The following PROM2 variants were observed in gnomAD, a reference collection of about 807,000 sequenced individuals.
The protein encoded by PROM2 is prominin 2, also known as prominin-2.
A neutral mutation model predicts 110.2 loss-of-function variants in PROM2; 90 were observed. That is an observed-to-expected ratio of 0.82 (90% CI 0.69 to 0.97). The LOEUF (loss-of-function observed/expected upper bound fraction) is 0.97. Ranked by LOEUF, PROM2 falls within the 50% of genes least tolerant of loss-of-function variation. The pLI is 0.00. For missense variants in PROM2, 1,009 were observed against 1,074.8 expected, an observed-to-expected ratio of 0.94 and a Z score of 0.86; for synonymous variants, 470 against 467.8, an observed-to-expected ratio of 1.00 and a Z score of -0.06.
intron 8 of PROM2, 154 bp from the exon 9 acceptor site, chr2:95,278,567 C>A: frequency 2.4e-6 from 2 of 821,290 alleles, no homozygotes; most frequent in Non-Finnish European, 2.1e-6. Context: ...TCAGACTGGG[C>A]CAGGGGATGG....
chr2:95,287,180 G>T lies in PROM2; in HGVS notation c.2142G>T (p.Glu714Asp), dbSNP rs149347187. 1.2e-6 allele frequency: 2 copies of T among 1,613,888 alleles called. No homozygotes were observed. Among genetic ancestry groups the T allele is most frequent in the African/African-American group, 2.7e-5 (2 of 74,912 alleles). Residue 714 changes from glutamate (E) to aspartate (D), a missense_variant, in exon 19 of 24, where the codon GAG (glutamate) becomes GAT (aspartate). By Grantham distance (45) the Glu-to-Asp change is conservative (BLOSUM62 2). Coordinates refer to ENST00000317620, the MANE Select transcript of PROM2 (RefSeq NM_001165978.3). ...VLANVTYLKGELPAWAARILR... is the reference protein window; with the variant it reads ...VLANVTYLKGDLPAWAARILR... Reference sequence around the variant, plus strand: ...CCAATGTCACCTACCTGAAAGGAGAGCTGCCTGCCTGGGCAGCCAGGATCC... The same window carrying T: ...CCAATGTCACCTACCTGAAAGGAGATCTGCCTGCCTGGGCAGCCAGGATCC...
rs1205698211 is a variant in PROM2, at chr2:95,279,024, G to A, written c.1154G>A (p.Arg385Lys). 2 of 1,612,322 alleles carry A rather than the reference G, an allele frequency of 1.2e-6. No homozygotes were observed. The highest frequency in any genetic ancestry group is 1.7e-6 in the Non-Finnish European group (2 of 1,179,242). ...KAVAQQPEGV[R>K]TLAEGFPGLE... ...GTGGCCCAGCAGCCGGAAGGGGTGA[G>A]GACACTGGCTGAAGGGTTCCCGGGC... is the stretch of plus-strand genomic sequence containing the variant. Residue 385 changes from arginine to lysine, a missense_variant, in exon 10 of 24, where the codon AGG becomes AAG. Coordinates refer to ENST00000317620, the MANE Select transcript of PROM2 (RefSeq NM_001165978.3).
intron 16 of PROM2, 25 bp from the exon 17 acceptor site, chr2:95,286,454 C>T (rs765806543): frequency 9.3e-6 from 15 of 1,605,222 alleles, no homozygotes; most frequent in Admixed American, 1.7e-5. Flanking sequence ...TGGGCGGGGC[C>T]GTTCTGATTT....
At chr2:95,288,668 C>A in intron 22 of PROM2, 79 bp downstream of exon 22, 2 of 1,274,428 alleles carry the variant, frequency 1.6e-6, no homozygotes, top group South Asian at 2.6e-5. Flanking sequence ...CCTGTCACAG[C>A]CCCTCCTGAG....
At chr2:95,287,871 G>C (rs905195837) in intron 20 of PROM2, among the ~76,000 whole-genome samples, 5 of 152,226 alleles carry the variant, frequency 3.3e-5, no homozygotes, top group Non-Finnish European at 7.3e-5. Context: ...TTTACCCTGA[G>C]TGTGTCTGTG....
rs763434626 is a variant in PROM2 at position 95,285,651 on chromosome 2, G to T, written c.1888G>T (p.Val630Leu). The T allele has an allele frequency of 6.2e-7, 1 of 1,601,372 alleles. No individual in the cohort carries two copies. Among genetic ancestry groups the T allele is most frequent in the Non-Finnish European group, 8.5e-7 (1 of 1,173,538 alleles). Residue 630 changes from valine to leucine, a missense_variant, in exon 16 of 24, where the codon GTG becomes TTG. Transcript: ENST00000317620. Reference sequence around the variant, plus strand: ...TGTCCACCTGCAGATCCAGAGGCCCGTGGTGAAGACCAGCATGGAGCAGCT... The same window carrying T: ...TGTCCACCTGCAGATCCAGAGGCCCTTGGTGAAGACCAGCATGGAGCAGCT... ...PDFLVQIQRPVVKTSMEQLAQ... is the reference protein window; with the variant it reads ...PDFLVQIQRPLVKTSMEQLAQ...
At position 95,282,230 on chromosome 2, in the gene PROM2, A is replaced by T. The variant is rs1677092261; in HGVS notation, c.1728+4A>T. On this transcript the variant is annotated splice_donor_region_variant and intron_variant, in intron 14 of 23. Transcript: ENST00000317620. ...GGAGCACCTGGATATCAACCAGGTG[A>T]GAGAACGTTTTGGAAACTGTGAGGA... The T allele has an allele frequency of 6.2e-7, 1 of 1,610,888 alleles. No homozygotes were observed. Among genetic ancestry groups the T allele is most frequent in the Non-Finnish European group, 8.5e-7 (1 of 1,178,058 alleles).
chr2:95,285,048 GC>G lies in PROM2; in HGVS notation c.1810del (p.Arg604GlyfsTer28). 6.3e-7 allele frequency: 1 copy of G among 1,598,092 alleles called. No homozygotes were observed. Among genetic ancestry groups the G allele is most frequent in the South Asian group, 1.1e-5 (1 of 88,480 alleles). Reference sequence around the variant, plus strand: ...CTGGACCTGCTGAGCTCAGCCGCCCGCCGGGACCTGGAGGCCCTGCAGAGCA... The same window carrying G: ...CTGGACCTGCTGAGCTCAGCCGCCCGCGGGACCTGGAGGCCCTGCAGAGCA... Reference protein sequence around the residue: ...QSLDLLSSAARRDLEALQSSG... With the variant: ...QSLDLLSSAAXRDLEALQSSG... On this transcript the variant is annotated frameshift_variant, in exon 15 of 24. Transcript: ENST00000317620. LOFTEE classifies it high-confidence loss of function.
intron 19 of PROM2, 28 bp from the exon 20 acceptor site, chr2:95,287,368 C>T (rs1294509877): frequency 6.2e-6 from 10 of 1,613,248 alleles, no homozygotes; most frequent in African/African-American, 5.3e-5. Context: ...GGGACCCCTA[C>T]AGCTCAGACC....
Position 95,287,401 on chromosome 2 carries a change from T to C in PROM2, c.2181T>C (p.Ser727=), listed in dbSNP as rs746847397. Reference sequence around the variant, plus strand: ...ACCTCCTTTCCTTCCTGCAGGTGAGTGAGTGTTTCCTGGCCCGGGAGATGG... The same window carrying C: ...ACCTCCTTTCCTTCCTGCAGGTGAGCGAGTGTTTCCTGGCCCGGGAGATGG... ...AWAARILRNV[S]ECFLAREMGY... The change falls in exon 20 of 24, where the codon AGT becomes AGC. Residue 727 remains serine, a synonymous_variant. Transcript: ENST00000317620. 2 of 1,613,916 alleles carry C rather than the reference T, an allele frequency of 1.2e-6. No homozygotes were observed. Among genetic ancestry groups the C allele is most frequent in the South Asian group, 2.2e-5 (2 of 91,070 alleles).
At chr2:95,286,716 C>G in intron 17 of PROM2, 88 bp from the exon 18 acceptor site, 1 of 798,426 alleles carries the variant, frequency 1.3e-6, no homozygotes, top group Non-Finnish European at 2.1e-6. Flanking sequence ...CTCCCCTCCC[C>G]TCCCCTCCAC....
At chr2:95,279,752 T>G in intron 10 of PROM2, 93 bp from the exon 11 acceptor site, 1 of 1,090,582 alleles carries the variant, frequency 9.2e-7, no homozygotes, top group Non-Finnish European at 1.2e-6. Context: ...GCCTTGGGGT[T>G]AGAGGCCACA....
Position 95,290,028 on chromosome 2 carries a change from G to A in PROM2, c.*815G>A, listed in dbSNP as rs1558751554. On this transcript the variant is annotated 3_prime_UTR_variant, in exon 24 of 24. Coordinates refer to ENST00000317620, the MANE Select transcript of PROM2 (RefSeq NM_001165978.3). ...GTACCAGCACTTAGCTTCTCTCTGA[G>A]TGCTGGCTCCCAAGGAAGGGACCTG... The A allele has an allele frequency of 6.6e-6, 1 of 152,312 alleles. No homozygotes were observed. Among genetic ancestry groups the A allele is most frequent in the Non-Finnish European group, 1.5e-5 (1 of 68,114 alleles). The allele number at this position is 152,312 out of a possible 1,614,324, so 9.4% of individuals were successfully genotyped here.
rs971057351 is a variant in PROM2, at chr2:95,288,807, G to A, written c.2442-126G>A. The A allele has an allele frequency of 3.3e-5, 34 of 1,019,384 alleles. 1 individual carries two copies. Among genetic ancestry groups the A allele is most frequent in the African/African-American group, 7.9e-5 (5 of 63,168 alleles). 63.1% of individuals were successfully genotyped at this position (1,019,384 alleles called of 1,614,324 possible). The stretch of plus-strand genomic sequence containing the variant: ...GCTGCATCCATTTGGGCGCAGCTTC[G>A]TGGGACCCTTCCCATCCCCCACAGG... On this transcript the variant is annotated intron_variant, in intron 22 of 23. Transcript: ENST00000317620.
chr2:95,281,413 G>A (rs1287815375), intron 12 of PROM2, 48 bp downstream of exon 12: 3 of 1,584,714 alleles, frequency 1.9e-6, no homozygotes, highest in Admixed American at 3.4e-5. Flanking sequence ...GAGGTGGGGG[G>A]CGGTATCAGC....
intron 20 of PROM2, among the ~76,000 whole-genome samples, chr2:95,287,956 A>G (rs1441916984): frequency 1.3e-5 from 2 of 152,210 alleles, no homozygotes; most frequent in East Asian, 3.9e-4. Context: ...CTTGACACAC[A>G]GTGCTGGGTC....
intron 14 of PROM2, among the ~76,000 whole-genome samples, chr2:95,284,303 T>C (rs1340207311): frequency 6.6e-6 from 1 of 152,182 alleles, no homozygotes; most frequent in African/African-American, 2.4e-5. Flanking sequence ...AAGAACAGCC[T>C]GGGCAACATG....
rs368594010 is a variant in PROM2 at position 95,277,377 on chromosome 2, C to T, written c.786C>T (p.Ser262=). 27 of 1,611,780 alleles carry T rather than the reference C, an allele frequency of 1.7e-5. No homozygotes were observed. Among genetic ancestry groups the T allele is most frequent in the African/African-American group, 5.3e-5 (4 of 75,012 alleles). Residue 262 remains serine, a synonymous_variant, in exon 7 of 24, where the codon TCC becomes TCT. Coordinates refer to ENST00000317620, the MANE Select transcript of PROM2 (RefSeq NM_001165978.3). The stretch of plus-strand genomic sequence containing the variant: ...TGGGTCTCTCAGTCCTGCAGGTCTC[C>T]GTGCACCACCTGCAAACCTTGAATG... ...VGSLGQVLQV[S]VHHLQTLNAT... is the part of the protein sequence containing the mutation.
At chr2:95,277,280 C>A in intron 6 of PROM2, 84 bp from the exon 7 acceptor site, 1 of 1,425,976 alleles carries the variant, frequency 7.0e-7, no homozygotes, top group Non-Finnish European at 9.6e-7. Flanking sequence ...GTCCCTTTGG[C>A]TGGGGGAGGG....
Sources: gnomAD v4.1 joint callset for allele counts (sites outside exome capture counted in the v4.1 genomes callset) on GRCh38, gnomAD v4.1.1 for gene constraint, MANE v1.5 for transcripts, NCBI Gene and HGNC (gene_info 2026-07-23, HGNC 2026-07-21) for gene names.